Variants in CDC20B observed in about 807,000 individuals in gnomAD.
The protein encoded by CDC20B is cell division cycle 20B, also known as cell division cycle protein 20 homolog B.
A neutral mutation model predicts 64.1 loss-of-function variants in CDC20B; 58 were observed. The ratio of observed to expected loss-of-function variants is 0.90; its 90% CI spans 0.73 to 1.13. CDC20B has a LOEUF of 1.13. Ranked by LOEUF, CDC20B falls within the 50% of genes most tolerant of loss-of-function variation. The probability of loss-of-function intolerance (pLI) is 0.00; values close to 1 mark genes in which losing one functional copy is unlikely to be tolerated. For missense variants in CDC20B, 597 were observed against 633.0 expected (o/e 0.94, Z 0.61); for synonymous variants, 243 against 230.6 (o/e 1.05, Z -0.49).
In CDC20B at chr5:55,140,363, C is replaced by T; in HGVS notation, c.531G>A (p.Gln177=). 1 of 1,613,474 alleles carries T rather than the reference C, an allele frequency of 6.2e-7. No individual in the cohort carries two copies. The highest frequency in any genetic ancestry group is 8.5e-7 in the Non-Finnish European group (1 of 1,179,718). ...CACAGAGCTGCATTTTTCCATTAGC[C>T]TGCTGAACCACGTTCTGGGTTACAA... ...QLFVTQNVVQ[Q]ANGKMQLCEQ... Residue 177 remains glutamine (Q), a synonymous_variant, in exon 5 of 12, where the codon CAG becomes CAA. Transcript: ENST00000381375.
chr5:55,128,295 T>G (rs1034324970), intron 7 of CDC20B, 126 bp downstream of exon 7: 2 of 661,696 alleles, frequency 3.0e-6, no homozygotes, highest in African/African-American at 3.9e-5. Context: ...TGTCATCTCC[T>G]TTTATTCCCC....
intron 4 of CDC20B, among the ~76,000 whole-genome samples, chr5:55,142,408 G>A (rs1358192752): frequency 1.3e-5 from 2 of 152,166 alleles, no homozygotes; most frequent in African/African-American, 4.8e-5. Flanking sequence ...CTTCAGTGAT[G>A]CTGGGATGAT....
At chr5:55,142,224 A>C (rs1264863183) in intron 4 of CDC20B, among the ~76,000 whole-genome samples, 1 of 152,156 alleles carries the variant, frequency 6.6e-6, no homozygotes, top group Non-Finnish European at 1.5e-5. Flanking sequence ...TCGTTGTGGA[A>C]ACACCCTCCA....
In CDC20B at chr5:55,114,396, T is replaced by C. The variant is rs1283666275; in HGVS notation, c.1460-78A>G. The C allele has an allele frequency of 6.5e-7, 1 of 1,541,488 alleles. No individual in the cohort carries two copies. Among genetic ancestry groups the C allele is most frequent in the East Asian group, 2.3e-5 (1 of 42,956 alleles). ...GCTCAGGACTGTAGGCAATGTAAGT[T>C]GGGGCCATGAGTCCCATCCCAGGAT... On this transcript the variant is annotated intron_variant, in intron 11 of 11. Coordinates refer to ENST00000381375, the MANE Select transcript of CDC20B (RefSeq NM_001170402.1). The surrounding 1 kb of genome is among the most constrained non-coding windows in gnomAD (Gnocchi z 4.1).
rs900113795 is a variant in CDC20B, at chr5:55,145,999, A to G, written c.355+629T>C. On this transcript the variant is annotated intron_variant, in intron 3 of 11. Transcript: ENST00000381375. ...AACAAAAGCACATATATATGTGTGT[A>G]TGTGTACATATACATATATACATAT... Among the ~76,000 whole-genome samples the G allele has an allele frequency of 2.0e-5, 3 of 152,216 alleles. No individual in the cohort carries two copies. The East Asian group carries it at 5.8e-4, about 29-fold the overall frequency.
At position 55,172,988 on chromosome 5, in the gene CDC20B, GT is replaced by G. The variant is rs758957545; in HGVS notation, c.12del (p.Lys4AsnfsTer29). MEW[K>X]LERTAPRRVR... ...ACCCTCCGAGGCGCGGTGCGCTCCA[GT>G]TTCCACTCCATCTCCGGCTGACTTC... On this transcript the variant is annotated frameshift_variant, in exon 1 of 12. Transcript: ENST00000381375. LOFTEE classifies it high-confidence loss of function. 16 of 1,611,806 alleles carry G rather than the reference GT, an allele frequency of 9.9e-6. No homozygotes were observed. The South Asian group carries it at 1.8e-4, about 18-fold the overall frequency.
intron 2 of CDC20B, among the ~76,000 whole-genome samples, chr5:55,163,833 G>A (rs979978080): frequency 6.7e-6 from 1 of 149,044 alleles, no homozygotes; most frequent in African/African-American, 2.5e-5. Context: ...TTGATACTAA[G>A]ATCACATACT....
In CDC20B at chr5:55,146,702, T is replaced by G. The variant is rs546734751; in HGVS notation, c.281A>C (p.Gln94Pro). 8.1e-6 allele frequency: 13 copies of G among 1,614,186 alleles called. No individual in the cohort carries two copies. In the Admixed American group the frequency reaches 1.5e-4, roughly 19 times the overall value. Residue 94 changes from glutamine to proline, a missense_variant, in exon 3 of 12, where the codon CAG (glutamine) becomes CCG (proline). Transcript: ENST00000381375. ...AGCTTCTGGGAGGTAGGTGGTTGAC[T>G]GCTCTTCCCCAAAGGAATCAGAGGA... ...ALSSDSFGEEQSTTYLPEASG... is the reference protein window; with the variant it reads ...ALSSDSFGEEPSTTYLPEASG...
intron 4 of CDC20B, among the ~76,000 whole-genome samples, chr5:55,142,582 G>T (rs1380053407): frequency 6.6e-6 from 1 of 152,088 alleles, no homozygotes; most frequent in East Asian, 1.9e-4. Flanking sequence ...AGCAGTAGAG[G>T]GTGGAAAACA....
At chr5:55,117,590 G>A (rs539925113) in intron 11 of CDC20B, among the ~76,000 whole-genome samples, 48 of 152,158 alleles carry the variant, frequency 3.2e-4, no homozygotes, top group Admixed American at 1.4e-3. Flanking sequence ...TGTCAAGAGC[G>A]CTGTTCTTGA....
intron 5 of CDC20B, chr5:55,137,373 T>A (rs935685354): frequency 2.9e-6 from 1 of 345,780 alleles, no homozygotes; most frequent in South Asian, 2.3e-5. Context: ...TTACAGGGGC[T>A]GCCTGCTGTA....
chr5:55,119,821 G>C lies in CDC20B; in HGVS notation c.1439C>G (p.Ser480Cys). Reference protein sequence around the residue: ...DVTVWTCPTVSRSGGFFGHRG... With the variant: ...DVTVWTCPTVCRSGGFFGHRG... ...CTTACCAAAAAACCCACCTGACCTG[G>C]ACACAGTGGGACAGGTCCACACAGT... The change falls in exon 11 of 12, where the codon TCC becomes TGC. Residue 480 changes from serine (S) to cysteine (C), a missense_variant. Physicochemically the swap from Ser to Cys is moderately radical, Grantham distance 112. Around this residue, in one of 3 missense-constraint regions of CDC20B, gnomAD observed 353 missense variants for 397.0 expected, o/e 0.89. Transcript: ENST00000381375. 1.9e-6 allele frequency: 3 copies of C among 1,613,582 alleles called. No homozygotes were observed. Among genetic ancestry groups the C allele is most frequent in the Non-Finnish European group, 2.5e-6 (3 of 1,179,608 alleles).
chr5:55,115,927 A>G (rs948936745), intron 11 of CDC20B, among the ~76,000 whole-genome samples: 12 of 152,156 alleles, frequency 7.9e-5, no homozygotes, highest in African/African-American at 2.7e-4. Flanking sequence ...GCACCAGTAA[A>G]GGATGCCTCC....
chr5:55,154,554 C>T (rs1473736142), intron 2 of CDC20B, among the ~76,000 whole-genome samples: 1 of 152,044 alleles, frequency 6.6e-6, no homozygotes, highest in African/African-American at 2.4e-5. Context: ...CCAAAAGGAA[C>T]TGTCTTCAAA....
At chr5:55,172,299 T>C (rs1744626370) in intron 2 of CDC20B, 1 of 338,120 alleles carries the variant, frequency 3.0e-6, no homozygotes, top group Non-Finnish European at 5.5e-6. Flanking sequence ...AACTAGCAAC[T>C]GTTAAAATCA....
At position 55,143,444 on chromosome 5, in the gene CDC20B, T is replaced by C. The variant is rs1415706232; in HGVS notation, c.486+69A>G. 2.0e-5 allele frequency: 29 copies of C among 1,470,044 alleles called. No homozygotes were observed. The East Asian group carries it at 6.7e-4, about 34-fold the overall frequency. 91.1% of individuals were successfully genotyped at this position (1,470,044 alleles called of 1,614,324 possible). A position where few individuals can be genotyped will look rare whatever the true frequency, so the allele number is the denominator to read the frequency against. On this transcript the variant is annotated intron_variant, in intron 4 of 11. Coordinates refer to ENST00000381375, the MANE Select transcript of CDC20B (RefSeq NM_001170402.1). ...GTAAGAGAACTAAGCAACTCTTCCC[T>C]TACATTTGCAACTAAGTTGTCTCAG...
At chr5:55,158,972 C>A (rs1743902398) in intron 2 of CDC20B, among the ~76,000 whole-genome samples, 2 of 152,098 alleles carry the variant, frequency 1.3e-5, no homozygotes, top group Admixed American at 6.5e-5. Flanking sequence ...CCTTATTTAA[C>A]TGTTAAATTA....
At chr5:55,145,954 TA>T (rs1743462051) in intron 3 of CDC20B, among the ~76,000 whole-genome samples, 1 of 152,176 alleles carries the variant, frequency 6.6e-6, no homozygotes, top group African/African-American at 2.4e-5. Flanking sequence ...TACCAGTCAT[TA>T]AAATTCTATA....
chr5:55,120,347 G>A (rs994847751), intron 10 of CDC20B, 78 bp downstream of exon 10: 4 of 1,520,580 alleles, frequency 2.6e-6, no homozygotes, highest in Non-Finnish European at 3.6e-6. Context: ...CTTGTTGGGG[G>A]CATAGGCTCT....
Sources: allele counts gnomAD v4.1 joint callset (sites outside exome capture counted in the v4.1 genomes callset), GRCh38; gene constraint gnomAD v4.1.1; regional missense constraint gnomAD v4.1.1; non-coding constraint Gnocchi (gnomAD v3.1); transcripts MANE v1.5; gene names NCBI Gene and HGNC (gene_info 2026-07-23, HGNC 2026-07-21).